The following CRYZL1 variants were observed in gnomAD, a reference collection of about 807,000 sequenced individuals.
The protein encoded by CRYZL1 is ferry endosomal RAB5 effector complex subunit 4.
Under a neutral mutation model 50.6 loss-of-function variants are expected in CRYZL1, and 34 were observed. The ratio of observed to expected loss-of-function variants is 0.67; its 90% confidence interval spans 0.51 to 0.89. The LOEUF (loss-of-function observed/expected upper bound fraction) is 0.89, where lower values mean the gene tolerates loss of function less well. CRYZL1 is among the 40% of genes least tolerant of loss of function. The probability of loss-of-function intolerance (pLI) is 0.00; values close to 1 mark genes in which losing one functional copy is unlikely to be tolerated. For missense variants in CRYZL1, 354 were observed against 402.3 expected (o/e 0.88, Z 1.03); for synonymous variants, 125 against 134.3 (o/e 0.93, Z 0.48).
At chr21:33,609,810 C>A (rs1235322858) in intron 6 of CRYZL1, among the ~76,000 whole-genome samples, 1 of 151,972 alleles carries the variant, frequency 6.6e-6, no homozygotes, top group East Asian at 1.9e-4. Context: ...TCACGCCATT[C>A]TCCTGCCTCA....
At chr21:33,641,405 C>T (rs2087330567) in intron 1 of CRYZL1, 1 of 1,384,966 alleles carries the variant, frequency 7.2e-7, no homozygotes, top group African/African-American at 1.5e-5. Flanking sequence ...AAGGGCACTC[C>T]CAGACCTCTG....
intron 2 of CRYZL1, among the ~76,000 whole-genome samples, chr21:33,627,975 G>A (rs1217253902): frequency 2.0e-5 from 3 of 152,080 alleles, no homozygotes; most frequent in African/African-American, 7.2e-5. Flanking sequence ...TCGATCTCCT[G>A]ACCTCATGAT....
At chr21:33,636,969 G>T (rs374637504) in intron 1 of CRYZL1, among the ~76,000 whole-genome samples, 1 of 152,078 alleles carries the variant, frequency 6.6e-6, no homozygotes, top group Admixed American at 6.5e-5. Context: ...ACTGCGCCCG[G>T]CTAATTTTTT....
In CRYZL1 at chr21:33,589,868, G is replaced by C. The variant is rs200628535; in HGVS notation, c.1004C>G (p.Ala335Gly). The C allele has an allele frequency of 6.2e-7, 1 of 1,612,886 alleles. No homozygotes were observed. Among genetic ancestry groups the C allele is most frequent in the East Asian group, 2.2e-5 (1 of 44,820 alleles). The change falls in exon 13 of 13, where the codon GCT (alanine) becomes GGT (glycine). Residue 335 changes from alanine to glycine, a missense_variant. Transcript: ENST00000381554. ...TTTTCTTCCTTGATTTTTCTGAACA[G>C]CTTCCATGGAAACTTTTGCCTCATA... Reference protein sequence around the residue: ...PLYEAKVSMEAVQKNQGRKKQ... With the variant: ...PLYEAKVSMEGVQKNQGRKKQ...
intron 8 of CRYZL1, among the ~76,000 whole-genome samples, chr21:33,601,386 C>T (rs1246662520): frequency 6.6e-6 from 1 of 152,130 alleles, no homozygotes; most frequent in Non-Finnish European, 1.5e-5. Flanking sequence ...TACTGTCAGA[C>T]AGGCCTGGGT....
chr21:33,596,045 C>G lies in CRYZL1; in HGVS notation c.799-209G>C, dbSNP rs2086689956. The G allele has an allele frequency of 8.3e-6, 5 of 604,940 alleles. No homozygotes were observed. In the Admixed American group the frequency reaches 1.4e-4, roughly 17 times the overall value. 37.5% of individuals were successfully genotyped at this position (604,940 alleles called of 1,614,324 possible). On this transcript the variant is annotated intron_variant, in intron 10 of 12. Transcript: ENST00000381554. ...CGAGGTGATAAGTACATGGCAGATG[C>G]AAGGCCAATCTAGAATCCTGGTGGT...
chr21:33,634,478 G>T (rs2087179004), intron 1 of CRYZL1, among the ~76,000 whole-genome samples: 1 of 152,016 alleles, frequency 6.6e-6, no homozygotes, highest in Non-Finnish European at 1.5e-5. Context: ...CATCCCCAGT[G>T]ACACTCACTC....
chr21:33,621,496 C>T (rs1425104451), intron 4 of CRYZL1, among the ~76,000 whole-genome samples: 1 of 151,672 alleles, frequency 6.6e-6, no homozygotes, highest in South Asian at 2.1e-4. Context: ...CGCATGCCAC[C>T]ACGCCCAGCT....
chr21:33,639,404 T>G (rs1201159833), intron 1 of CRYZL1, among the ~76,000 whole-genome samples: 1 of 152,232 alleles, frequency 6.6e-6, no homozygotes, highest in Non-Finnish European at 1.5e-5. Context: ...TTTTCCTATA[T>G]TGTACTACTG....
At chr21:33,639,895 G>T in intron 1 of CRYZL1, 2 of 244,250 alleles carry the variant, frequency 8.2e-6, no homozygotes, top group Non-Finnish European at 7.7e-6. Flanking sequence ...TCGTGATCTT[G>T]GCTCACTGTA....
intron 3 of CRYZL1, among the ~76,000 whole-genome samples, chr21:33,624,378 T>C (rs1036556421): frequency 4.6e-5 from 7 of 152,084 alleles, no homozygotes; most frequent in Non-Finnish European, 7.4e-5. Context: ...AAAACCCATT[T>C]TTATGAAAAA....
In CRYZL1 at chr21:33,620,421, C is replaced by G. The variant is rs552513784; in HGVS notation, c.217+1575G>C. ...GGTCATTCTATTCAATATATGATTA[C>G]TTGTGGATTTAAATATATAACCCCT... is the stretch of plus-strand genomic sequence containing the variant. On this transcript the variant is annotated intron_variant, in intron 4 of 12. Coordinates refer to ENST00000381554, the MANE Select transcript of CRYZL1 (RefSeq NM_145858.3). Among the ~76,000 whole-genome samples, 8 of 152,134 alleles carry G rather than the reference C, an allele frequency of 5.3e-5. No homozygotes were observed. In the East Asian group the frequency reaches 1.5e-3, roughly 29 times the overall value.
At chr21:33,598,459 A>T (rs1360634821) in intron 9 of CRYZL1, among the ~76,000 whole-genome samples, 1 of 152,244 alleles carries the variant, frequency 6.6e-6, no homozygotes, top group Non-Finnish European at 1.5e-5. Context: ...GCTATTACTT[A>T]AGTGTGTTCA....
chr21:33,594,495 C>T (rs1040149696), intron 11 of CRYZL1: 2 of 151,758 alleles, frequency 1.3e-5, no homozygotes, highest in Non-Finnish European at 2.9e-5. Flanking sequence ...AATTAAAAAT[C>T]CTTTTAGAAA....
At chr21:33,615,557 A>G (rs1253573559) in intron 5 of CRYZL1, among the ~76,000 whole-genome samples, 1 of 152,188 alleles carries the variant, frequency 6.6e-6, no homozygotes, top group African/African-American at 2.4e-5. Context: ...GTCATAGCCT[A>G]TGTTTGTGTG....
At chr21:33,626,239 G>GT (rs1479247090) in intron 2 of CRYZL1, among the ~76,000 whole-genome samples, 1 of 152,054 alleles carries the variant, frequency 6.6e-6, no homozygotes, top group Non-Finnish European at 1.5e-5. Context: ...GATTGCAGGC[G>GT]TAAGCCACTG....
rs1601362974 is a variant in CRYZL1 at position 33,641,718 on chromosome 21, A to C, written c.-44T>G. On this transcript the variant is annotated 5_prime_UTR_variant, in exon 1 of 13. Transcript: ENST00000381554. The stretch of plus-strand genomic sequence containing the variant: ...CGCCCCAACGGCCTGCACCTTCACC[A>C]CCGCCACCTTCCAGTCCTTCGTCAG... 1 of 161,434 alleles carries C rather than the reference A, an allele frequency of 6.2e-6. No homozygotes were observed. Among genetic ancestry groups the C allele is most frequent in the Non-Finnish European group, 1.4e-5 (1 of 73,578 alleles). The allele number at this position is 161,434 out of a possible 1,614,324, so 10.0% of individuals were successfully genotyped here. A position where few individuals can be genotyped will look rare whatever the true frequency, so the allele number is the denominator to read the frequency against.
At chr21:33,622,932 T>G (rs2087019231) in intron 3 of CRYZL1, among the ~76,000 whole-genome samples, 1 of 152,024 alleles carries the variant, frequency 6.6e-6, no homozygotes, top group Non-Finnish European at 1.5e-5. Context: ...GACATTCTTA[T>G]AGAAGTACTG....
At chr21:33,590,205 A>G (rs185899152) in intron 12 of CRYZL1, among the ~76,000 whole-genome samples, 1 of 152,144 alleles carries the variant, frequency 6.6e-6, no homozygotes, top group Admixed American at 6.5e-5. Context: ...TTTAGTAGAG[A>G]TGGGTTTCAC....
Sources: allele counts gnomAD v4.1 joint callset (sites outside exome capture counted in the v4.1 genomes callset), GRCh38; gene constraint gnomAD v4.1.1; transcripts MANE v1.5; gene names NCBI Gene and HGNC (gene_info 2026-07-23, HGNC 2026-07-21).